ANKRD18B: variants seen among roughly 807,000 people sequenced by gnomAD.
ANKRD18B encodes ankyrin repeat domain 18B.
A neutral mutation model predicts 111.8 loss-of-function variants in ANKRD18B; 75 were observed. That is an observed-to-expected ratio of 0.67 (90% CI 0.56 to 0.81). ANKRD18B has a LOEUF of 0.81. Ranked by LOEUF, ANKRD18B falls within the 40% of genes least tolerant of loss-of-function variation. The pLI is 0.00. For missense variants in ANKRD18B, 1,038 were observed against 1,225.5 expected, an observed-to-expected ratio of 0.85 and a Z score of 2.28; for synonymous variants, 356 against 417.3, an observed-to-expected ratio of 0.85 and a Z score of 1.79.
At chr9:33,574,391 T>A (rs1828828864), downstream of ANKRD18B, 1 of 154,524 alleles carries the variant, frequency 6.5e-6, no homozygotes, top group South Asian at 2.1e-4. Context: ...TGGAGTCTCC[T>A]TGCCTCCATC....
rs752177987 is a variant in ANKRD18B, at chr9:33,572,306, T to C, written c.3224-10T>C. The C allele has an allele frequency of 7.0e-5, 112 of 1,604,266 alleles. No homozygotes were observed. The Admixed American group carries it at 1.9e-3, about 27-fold the overall frequency. On this transcript the variant is annotated splice_polypyrimidine_tract_variant and intron_variant, in intron 18 of 18. Coordinates refer to ENST00000684830, the MANE Select transcript of ANKRD18B (RefSeq NM_001393611.1). ...AGGTAAAGAACATAATCCTTTCTTT[T>C]TCTTTCCAGCTTTTGCTGCGTTGGG...
chr9:33,556,775 G>A (rs1465123312), intron 13 of ANKRD18B, among the ~76,000 whole-genome samples: 2 of 152,034 alleles, frequency 1.3e-5, no homozygotes, highest in Non-Finnish European at 2.9e-5. Context: ...TATATAGCTT[G>A]TATTTTGTTT....
intron 10 of ANKRD18B, among the ~76,000 whole-genome samples, 181 bp from the exon 11 acceptor site, chr9:33,547,757 T>C (rs1437348629): frequency 2.0e-5 from 3 of 151,810 alleles, no homozygotes; most frequent in African/African-American, 7.3e-5. Flanking sequence ...AATACATTTT[T>C]GAACTTTTTG....
Position 33,550,585 on chromosome 9 carries a change from T to C in ANKRD18B, c.2217+6T>C, listed in dbSNP as rs1239123692. The stretch of plus-strand genomic sequence containing the variant: ...TATTTCAAGTAGAAATTCAAGTATG[T>C]ATGGAATTTAACATGTAGACAGTTA... On this transcript the variant is annotated splice_donor_region_variant and intron_variant, in intron 12 of 18. Transcript: ENST00000684830. 4 of 1,532,366 alleles carry C rather than the reference T, an allele frequency of 2.6e-6. No homozygotes were observed. The highest frequency in any genetic ancestry group is 3.5e-6 in the Non-Finnish European group (4 of 1,139,574). The allele number at this position is 1,532,366 out of a possible 1,614,324, so 94.9% of individuals were successfully genotyped here.
chr9:33,529,101 C>T lies in ANKRD18B; in HGVS notation c.423C>T (p.Ala141=), dbSNP rs574293426. The change falls in exon 3 of 19, where the codon GCC becomes GCT. Residue 141 remains alanine, a synonymous_variant. Coordinates refer to ENST00000684830, the MANE Select transcript of ANKRD18B (RefSeq NM_001393611.1). ...ACGGCAACACTGCTCTCCATTATGC[C>T]GTGTATAATGAGGGGACTTCACTGG... The part of the protein sequence containing the change: ...DIYGNTALHY[A]VYNEGTSLAE... 1.2e-5 allele frequency: 19 copies of T among 1,611,968 alleles called. No homozygotes were observed. The Admixed American group carries it at 1.8e-4, about 16-fold the overall frequency.
chr9:33,541,997 T>C (rs1194241513), intron 9 of ANKRD18B, among the ~76,000 whole-genome samples: 1 of 152,130 alleles, frequency 6.6e-6, no homozygotes, highest in African/African-American at 2.4e-5. Flanking sequence ...TGCTGCTGCC[T>C]GGCATGTGCT....
At chr9:33,553,315 C>T (rs1489686747) in intron 12 of ANKRD18B, among the ~76,000 whole-genome samples, 1 of 151,948 alleles carries the variant, frequency 6.6e-6, no homozygotes, top group African/African-American at 2.4e-5. Flanking sequence ...CTGCAGTGAG[C>T]GGTGATCAAG....
chr9:33,551,752 C>T (rs1402849025), intron 12 of ANKRD18B, among the ~76,000 whole-genome samples: 2 of 152,138 alleles, frequency 1.3e-5, no homozygotes, highest in Non-Finnish European at 2.9e-5. Context: ...GTTTTTATTT[C>T]CCTGCCATTG....
intron 4 of ANKRD18B, chr9:33,533,850 A>G (rs1405986475): frequency 4.0e-5 from 9 of 224,422 alleles, no homozygotes; most frequent in Non-Finnish European, 5.4e-5. Context: ...GTAGACTTTA[A>G]CTTTCAGTTT....
chr9:33,543,349 T>C lies in ANKRD18B; in HGVS notation c.1149+94T>C, dbSNP rs189790123. The stretch of plus-strand genomic sequence containing the variant: ...CCAAATGAAGTGACCTTTTAGACTA[T>C]CCTTTTAGAATCCAACAGAGCATAA... On this transcript the variant is annotated intron_variant, in intron 10 of 18. Transcript: ENST00000684830. The C allele has an allele frequency of 7.5e-5, 77 of 1,022,870 alleles. No homozygotes were observed. The East Asian group carries it at 2.1e-3, about 27-fold the overall frequency. The allele number at this position is 1,022,870 out of a possible 1,614,324, so 63.4% of individuals were successfully genotyped here. A position where few individuals can be genotyped will look rare whatever the true frequency, so the allele number is the denominator to read the frequency against.
rs752847851 is a variant in ANKRD18B at position 33,543,219 on chromosome 9, A to G, written c.1113A>G (p.Gln371=). The change falls in exon 10 of 19, where the codon CAA becomes CAG. Residue 371 remains glutamine (Q), a synonymous_variant. Coordinates refer to ENST00000684830, the MANE Select transcript of ANKRD18B (RefSeq NM_001393611.1). ...TAAAAGTGGCTTCAGAGGAAAAGCA[A>G]GAAAGGCTTGAAAGAAGTGAAAATA... ...HNLKVASEEK[Q]ERLERSENKQ... 1.2e-4 allele frequency: 193 copies of G among 1,553,032 alleles called. No homozygotes were observed. Among genetic ancestry groups the G allele is most frequent in the Non-Finnish European group, 1.6e-4 (178 of 1,147,572 alleles).
rs143330776 is a variant in ANKRD18B at position 33,528,286 on chromosome 9, G to A, written c.207-441G>A. ...ATTGCACTCCAGCCTGGGCAAGAGAGCAAGACCCTGTCTCAACAAACAAAA... is the reference window on the plus strand; with the variant it reads ...ATTGCACTCCAGCCTGGGCAAGAGAACAAGACCCTGTCTCAACAAACAAAA... On this transcript the variant is annotated intron_variant, in intron 1 of 18. Transcript: ENST00000684830. Among the ~76,000 whole-genome samples the A allele has an allele frequency of 2.6e-3, 399 of 152,362 alleles. 10 individuals are homozygous for A. In the East Asian group the frequency reaches 0.055, roughly 21 times the overall value.
chr9:33,561,240 T>C (rs2118109459), intron 14 of ANKRD18B, among the ~76,000 whole-genome samples: 1 of 152,308 alleles, frequency 6.6e-6, no homozygotes, highest in Non-Finnish European at 1.5e-5. Flanking sequence ...TCCTGTGGTG[T>C]GAAGTGATAC....
At chr9:33,572,031 G>A in intron 18 of ANKRD18B, 4 of 407,020 alleles carry the variant, frequency 9.8e-6, no homozygotes, top group Non-Finnish European at 1.8e-5. Flanking sequence ...ACTATTGGGA[G>A]GTGGACCATG....
chr9:33,551,916 TG>T (rs1828452472), intron 12 of ANKRD18B, among the ~76,000 whole-genome samples: 1 of 152,218 alleles, frequency 6.6e-6, no homozygotes, highest in African/African-American at 2.4e-5. Context: ...GTTCTCTCAC[TG>T]ACCTTACATC....
intron 15 of ANKRD18B, 127 bp downstream of exon 15, chr9:33,566,627 T>G (rs1246634245): frequency 8.4e-7 from 1 of 1,194,544 alleles, no homozygotes; most frequent in African/African-American, 1.6e-5. Flanking sequence ...TTTGTAGAGC[T>G]CTAGAAAAAA....
intron 14 of ANKRD18B, among the ~76,000 whole-genome samples, chr9:33,562,870 A>G (rs663181): frequency 0.097 from 14,779 of 152,168 alleles, 720 homozygotes; most frequent in African/African-American, 0.11. Context: ...TAAATACTCA[A>G]AGCTTCTTCT....
At chr9:33,575,257 T>C (rs2118171303), downstream of ANKRD18B, among the ~76,000 whole-genome samples, 1 of 152,302 alleles carries the variant, frequency 6.6e-6, no homozygotes, top group Admixed American at 6.5e-5. Flanking sequence ...TCTGGCTCCA[T>C]GATAACCAAG....
chr9:33,542,065 T>C (rs1828287056), intron 9 of ANKRD18B, among the ~76,000 whole-genome samples: 1 of 151,876 alleles, frequency 6.6e-6, no homozygotes, highest in East Asian at 1.9e-4. Context: ...AAGTCTCAGC[T>C]CAGGCATGAT....
Sources: allele counts gnomAD v4.1 joint callset (sites outside exome capture counted in the v4.1 genomes callset), GRCh38; gene constraint gnomAD v4.1.1; transcripts MANE v1.5; gene names NCBI Gene and HGNC (gene_info 2026-07-23, HGNC 2026-07-21).